The following NCAPD3 variants were observed in gnomAD, a reference collection of about 807,000 sequenced individuals.
The protein encoded by NCAPD3 is non-SMC condensin II complex subunit D3, also known as condensin-2 complex subunit D3.
Under a neutral mutation model 182.9 loss-of-function variants are expected in NCAPD3, and 105 were observed. That is an observed-to-expected ratio of 0.57 (90% CI 0.49 to 0.68). NCAPD3 has a LOEUF of 0.68. NCAPD3 is among the 30% of genes least tolerant of loss of function. The probability of loss-of-function intolerance (pLI) is 0.00; values close to 1 mark genes in which losing one functional copy is unlikely to be tolerated. For missense variants in NCAPD3, 1,944 were observed against 1,837.0 expected (o/e 1.06, Z -1.07); for synonymous variants, 815 against 679.9 (o/e 1.20, Z -3.09).
intron 28 of NCAPD3, 129 bp downstream of exon 28, chr11:134,161,652 G>A (rs556230376): frequency 5.9e-6 from 4 of 675,340 alleles, no homozygotes; most frequent in South Asian, 1.8e-5. Flanking sequence ...AGTTACCAAG[G>A]TAATGTTGGG....
At chr11:134,223,815 A>G in intron 1 of NCAPD3, 48 bp downstream of exon 1, 1 of 1,552,612 alleles carries the variant, frequency 6.4e-7, no homozygotes, top group Non-Finnish European at 8.7e-7. Context: ...TCGGGGACGC[A>G]TAGGACCCTC....
At chr11:134,157,849 G>T in intron 31 of NCAPD3, 79 bp downstream of exon 31, 2 of 1,422,478 alleles carry the variant, frequency 1.4e-6, no homozygotes, top group Non-Finnish European at 1.9e-6. Flanking sequence ...ACACCGCTTT[G>T]AAAGGAATAA....
chr11:134,158,366 C>T lies in NCAPD3; in HGVS notation c.3997G>A (p.Glu1333Lys). The change falls in exon 30 of 35, where the codon GAA becomes AAA. Residue 1333 changes from glutamate to lysine, a missense_variant. Glu to Lys is a moderately conservative substitution (Grantham distance 56). This residue lies in a region of NCAPD3 where 1,803 missense variants were observed against 1,674.6 expected (regional missense o/e 1.08). Coordinates refer to ENST00000534548, the MANE Select transcript of NCAPD3 (RefSeq NM_015261.3). ...GHVAVSSPTP[E>K]TGPLQRLLPK... is the part of the protein sequence containing the mutation. Reference sequence around the variant, plus strand: ...AGCAACCTCTGCAATGGCCCTGTTTCAGGTGTAGGAGATGATACTGCTACA... The same window carrying T: ...AGCAACCTCTGCAATGGCCCTGTTTTAGGTGTAGGAGATGATACTGCTACA... The T allele has an allele frequency of 1.2e-6, 2 of 1,614,172 alleles. No individual in the cohort carries two copies. The highest frequency in any genetic ancestry group is 1.7e-6 in the Non-Finnish European group (2 of 1,180,018).
intron 2 of NCAPD3, among the ~76,000 whole-genome samples, chr11:134,220,066 T>G (rs1174162498): frequency 2.0e-5 from 3 of 152,176 alleles, no homozygotes; most frequent in African/African-American, 7.2e-5. Flanking sequence ...AGTACTGGGA[T>G]TACAGGCATG....
rs150751233 is a variant in NCAPD3 at position 134,222,338 on chromosome 11, G to A, written c.64+1525C>T. ...CTAGGGAAGCCACTTATACTTCTAGGGATATAAAGATGAATACTAGAGGGT... is the reference window on the plus strand; with the variant it reads ...CTAGGGAAGCCACTTATACTTCTAGAGATATAAAGATGAATACTAGAGGGT... On this transcript the variant is annotated intron_variant, in intron 1 of 34. Transcript: ENST00000534548. Among the ~76,000 whole-genome samples the A allele has an allele frequency of 4.9e-3, 747 of 152,194 alleles. 3 individuals are homozygous for A. Among genetic ancestry groups the A allele is most frequent in the Non-Finnish European group, 7.6e-3 (520 of 68,020 alleles).
At chr11:134,168,350 G>A (rs1943920069) in intron 26 of NCAPD3, 119 bp downstream of exon 26, 1 of 1,512,518 alleles carries the variant, frequency 6.6e-7, no homozygotes, top group African/African-American at 1.4e-5. Flanking sequence ...AGAAGGACAA[G>A]ATGACAGGGG....
chr11:134,170,030 TCTC>T (rs1376660000), intron 24 of NCAPD3, among the ~76,000 whole-genome samples: 1 of 152,150 alleles, frequency 6.6e-6, no homozygotes, highest in Non-Finnish European at 1.5e-5. Flanking sequence ...GAGACTGACT[TCTC>T]CTTTCCCCAG....
intron 7 of NCAPD3, among the ~76,000 whole-genome samples, chr11:134,208,147 C>A (rs1937684808): frequency 1.3e-5 from 2 of 152,198 alleles, no homozygotes; most frequent in Admixed American, 1.3e-4. Context: ...CCCCAAGCAT[C>A]CCCAAAAATA....
Position 134,203,132 on chromosome 11 carries a change from G to C in NCAPD3, c.1525+10C>G, listed in dbSNP as rs1328611062. The C allele has an allele frequency of 6.4e-7, 1 of 1,556,774 alleles. No individual in the cohort carries two copies. The stretch of plus-strand genomic sequence containing the variant: ...ATCATTCAATATTTGAAAATGTATT[G>C]ATCCATTACCTGATGAATTTCTCAG... On this transcript the variant is annotated intron_variant, in intron 12 of 34. Coordinates refer to ENST00000534548, the MANE Select transcript of NCAPD3 (RefSeq NM_015261.3).
At chr11:134,177,655 A>C in intron 22 of NCAPD3, 198 bp from the exon 23 acceptor site, 1 of 589,274 alleles carries the variant, frequency 1.7e-6, no homozygotes, top group South Asian at 2.1e-5. Context: ...AGGAGAAATA[A>C]ACTCCCCAGG....
Position 134,185,367 on chromosome 11 carries a change from G to C in NCAPD3, c.2205C>G (p.Ser735Arg). The part of the protein sequence containing the change: ...IAGSSPRLDY[S>R]RIIQSWEKIS... ...TTTTCTCCCAAGATTGTATTATTCT[G>C]CTGTAGTCCAGCCTGGGTGAGGAGC... The change falls in exon 17 of 35, where the codon AGC becomes AGG. Residue 735 changes from serine to arginine, a missense_variant. By Grantham distance (110) the Ser-to-Arg change is moderately radical (BLOSUM62 -1). Around this residue, in one of 3 missense-constraint regions of NCAPD3, gnomAD observed 1,803 missense variants for 1,674.6 expected, o/e 1.08. Transcript: ENST00000534548. The C allele has an allele frequency of 1.2e-6, 2 of 1,612,456 alleles. No individual in the cohort carries two copies. The highest frequency in any genetic ancestry group is 8.5e-7 in the Non-Finnish European group (1 of 1,179,368).
chr11:134,156,555 G>A (rs1485687010), intron 32 of NCAPD3, among the ~76,000 whole-genome samples: 1 of 152,202 alleles, frequency 6.6e-6, no homozygotes, highest in Non-Finnish European at 1.5e-5. Flanking sequence ...ACATGGAGGG[G>A]AATGAGACAC....
In NCAPD3 at chr11:134,202,801, T is replaced by A. The variant is rs773176268; in HGVS notation, c.1615+15A>T. The A allele has an allele frequency of 1.3e-6, 2 of 1,572,030 alleles. 1 individual carries two copies. Among genetic ancestry groups the A allele is most frequent in the South Asian group, 2.3e-5 (2 of 87,132 alleles). The stretch of plus-strand genomic sequence containing the variant: ...AGCAGTATTACCTATCTGACAGTGA[T>A]AAAATCTGACATACCTCCAGATCCA... On this transcript the variant is annotated intron_variant, in intron 13 of 34. Coordinates refer to ENST00000534548, the MANE Select transcript of NCAPD3 (RefSeq NM_015261.3).
upstream of NCAPD3, chr11:134,225,090 T>C (rs1938416082): frequency 6.4e-7 from 1 of 1,568,956 alleles, no homozygotes; most frequent in African/African-American, 1.4e-5. Context: ...GAGGGAGCGG[T>C]CCTTACCGAG....
At chr11:134,165,806 C>T (rs1034598111) in intron 27 of NCAPD3, among the ~76,000 whole-genome samples, 1 of 144,678 alleles carries the variant, frequency 6.9e-6, no homozygotes, top group Non-Finnish European at 1.5e-5. Flanking sequence ...GAGATGCACA[C>T]TCACTTGTGA....
At chr11:134,211,431 T>TA (rs1393343901) in intron 3 of NCAPD3, among the ~76,000 whole-genome samples, 1 of 152,076 alleles carries the variant, frequency 6.6e-6, no homozygotes, top group African/African-American at 2.4e-5. Flanking sequence ...GCAGATCACT[T>TA]GAGTCCAGGA....
At chr11:134,222,825 T>C (rs1466569411) in intron 1 of NCAPD3, among the ~76,000 whole-genome samples, 1 of 152,232 alleles carries the variant, frequency 6.6e-6, no homozygotes, top group Non-Finnish European at 1.5e-5. Flanking sequence ...TGTTTCTAAA[T>C]GAACAAAATT....
chr11:134,223,814 C>A (rs753074989), intron 1 of NCAPD3, 49 bp downstream of exon 1: 24 of 1,589,020 alleles, frequency 1.5e-5, no homozygotes, highest in Non-Finnish European at 1.7e-5. Flanking sequence ...GTCGGGGACG[C>A]ATAGGACCCT....
Position 134,194,691 on chromosome 11 carries a change from T to G in NCAPD3, c.1663A>C (p.Thr555Pro). 2 of 1,608,444 alleles carry G rather than the reference T, an allele frequency of 1.2e-6. No homozygotes were observed. The highest frequency in any genetic ancestry group is 2.2e-5 in the South Asian group (2 of 90,254). The change falls in exon 14 of 35, where the codon ACC becomes CCC. Residue 555 changes from threonine to proline, a missense_variant. Physicochemically the swap from Thr to Pro is conservative, Grantham distance 38. Coordinates refer to ENST00000534548, the MANE Select transcript of NCAPD3 (RefSeq NM_015261.3). ...TGCAGTGCAGACTTCCTAACGTTGG[T>G]CTTCTCATCCCTGATCCTCCTTCTC... ...MLRRRIRDEK[T>P]NVRKSALQVL... is the part of the protein sequence containing the mutation.
Sources: allele counts gnomAD v4.1 joint callset (sites outside exome capture counted in the v4.1 genomes callset), GRCh38; gene constraint gnomAD v4.1.1; regional missense constraint gnomAD v4.1.1; transcripts MANE v1.5; gene names NCBI Gene and HGNC (gene_info 2026-07-23, HGNC 2026-07-21).